Variants in CDC42EP3 observed in about 807,000 individuals in gnomAD.
CDC42EP3 encodes the protein CDC42 effector protein 3.
In CDC42EP3, 4 loss-of-function variants were observed where a neutral mutation model predicts 15.5. The observed-to-expected ratio is 0.26, with a 90% confidence interval of 0.13 to 0.59. The LOEUF is 0.59. Among genes scored for constraint, CDC42EP3 ranks in the 20% least tolerant of loss-of-function variants. CDC42EP3 has a pLI of 0.89. For missense variants in CDC42EP3, 309 were observed against 311.2 expected (o/e 0.99, Z 0.05); for synonymous variants, 145 against 130.3 (o/e 1.11, Z -0.77).
upstream of CDC42EP3, among the ~76,000 whole-genome samples, chr2:37,672,706 G>A (rs915376365): frequency 6.6e-6 from 1 of 152,228 alleles, no homozygotes; most frequent in Non-Finnish European, 1.5e-5. Context: ...GTCCCAGCCC[G>A]CATGGTCAGC....
At chr2:37,650,014 T>G (rs959590579) in intron 1 of CDC42EP3, among the ~76,000 whole-genome samples, 1 of 151,628 alleles carries the variant, frequency 6.6e-6, no homozygotes, top group Non-Finnish European at 1.5e-5. Flanking sequence ...GAATTGAATC[T>G]GAATTGCCAA....
intron 1 of CDC42EP3, among the ~76,000 whole-genome samples, chr2:37,653,776 A>AAT (rs1665761232): frequency 6.6e-6 from 1 of 151,704 alleles, no homozygotes. Context: ...AAAAAAAAAA[A>AAT]TTGCATCCTG....
intron 1 of CDC42EP3, among the ~76,000 whole-genome samples, chr2:37,670,344 T>C (rs1397749449): frequency 6.6e-6 from 1 of 152,144 alleles, no homozygotes; most frequent in Admixed American, 6.5e-5. Context: ...TTTGTCTCCC[T>C]AACACATTCA....
intron 1 of CDC42EP3, among the ~76,000 whole-genome samples, chr2:37,657,779 G>C (rs1665925359): frequency 6.6e-6 from 1 of 152,130 alleles, no homozygotes; most frequent in African/African-American, 2.4e-5. Flanking sequence ...GCAATGTCTG[G>C]GAATATTGTG....
chr2:37,666,581 T>C (rs114542048), intron 1 of CDC42EP3, among the ~76,000 whole-genome samples: 3,388 of 152,318 alleles, frequency 0.022, 128 homozygotes, highest in African/African-American at 0.079. Flanking sequence ...AATTCATGAC[T>C]TAGGCAAGCA....
At chr2:37,668,232 C>T (rs960526677) in intron 1 of CDC42EP3, among the ~76,000 whole-genome samples, 5 of 152,106 alleles carry the variant, frequency 3.3e-5, no homozygotes, top group Non-Finnish European at 5.9e-5. Flanking sequence ...AAGAAAACCA[C>T]GGGTAATTGG....
At chr2:37,669,441 G>A (rs866748129) in intron 1 of CDC42EP3, among the ~76,000 whole-genome samples, 4 of 152,270 alleles carry the variant, frequency 2.6e-5, no homozygotes, top group South Asian at 2.1e-4. Context: ...TCACTGTTAC[G>A]GCTTTGTATT....
rs532546882 is a variant in CDC42EP3, at chr2:37,642,812, C to A, written c.*3011G>T. ...AATATAGAAGGACTAAACTGTGATT[C>A]TGGAGACCCGGGTTTCTCTTTGCTG... On this transcript the variant is annotated 3_prime_UTR_variant, in exon 2 of 2. Transcript: ENST00000295324. 1 of 152,162 alleles carries A rather than the reference C, an allele frequency of 6.6e-6. No individual in the cohort carries two copies. Among genetic ancestry groups the A allele is most frequent in the South Asian group, 2.1e-4 (1 of 4,826 alleles). The allele number at this position is 152,162 out of a possible 1,614,324, so 9.4% of individuals were successfully genotyped here. A position where few individuals can be genotyped will look rare whatever the true frequency, so the allele number is the denominator to read the frequency against.
chr2:37,658,376 T>C (rs1242847069), intron 1 of CDC42EP3, among the ~76,000 whole-genome samples: 1 of 152,180 alleles, frequency 6.6e-6, no homozygotes, highest in Non-Finnish European at 1.5e-5. Context: ...ATGGCGGTTG[T>C]GTGTGGCCCA....
rs148615039 is a variant in CDC42EP3, at chr2:37,645,947, A to G, written c.641T>C (p.Ile214Thr). Residue 214 changes from isoleucine (I) to threonine (T), a missense_variant, in exon 2 of 2, where the codon ATC becomes ACC. Physicochemically the swap from Ile to Thr is moderately conservative, Grantham distance 89. Transcript: ENST00000295324. ...MFDHPTPCELIKGKTKSEESL... is the reference protein window; with the variant it reads ...MFDHPTPCELTKGKTKSEESL... ...CTCCTCTGACTTAGTCTTTCCCTTGATGAGCTCGCATGGGGTGGGATGGTC... is the reference window on the plus strand; with the variant it reads ...CTCCTCTGACTTAGTCTTTCCCTTGGTGAGCTCGCATGGGGTGGGATGGTC... 2.4e-4 allele frequency: 382 copies of G among 1,614,004 alleles called. 1 individual carries two copies. The Middle Eastern group carries it at 3.3e-3, about 14-fold the overall frequency.
intron 1 of CDC42EP3, among the ~76,000 whole-genome samples, chr2:37,662,515 G>A (rs369103068): frequency 2.8e-4 from 42 of 152,248 alleles, no homozygotes; most frequent in Middle Eastern, 6.8e-3. Flanking sequence ...ACTCCCAAAT[G>A]TTCTGGGTTC....
At chr2:37,653,626 T>C (rs1454450437) in intron 1 of CDC42EP3, among the ~76,000 whole-genome samples, 1 of 151,966 alleles carries the variant, frequency 6.6e-6, no homozygotes, top group East Asian at 1.9e-4. Flanking sequence ...TTACTTAGAG[T>C]TGATGCACTG....
At chr2:37,659,258 C>A (rs1665978665) in intron 1 of CDC42EP3, among the ~76,000 whole-genome samples, 1 of 152,230 alleles carries the variant, frequency 6.6e-6, no homozygotes, top group Non-Finnish European at 1.5e-5. Context: ...TCCTCTTTAA[C>A]CCTGCCTGCT....
rs1665416891 is a variant in CDC42EP3, at chr2:37,645,387, TATAGAAA to T, written c.*429_*435del. On this transcript the variant is annotated 3_prime_UTR_variant, in exon 2 of 2. Coordinates refer to ENST00000295324, the MANE Select transcript of CDC42EP3 (RefSeq NM_006449.5). ...TTCGCTATGGTGAGCCTAAGCAATA[TATAGAAA>T]AGAGTCTACAAAAAGGCTTAGGTGT... 6.5e-6 allele frequency: 1 copy of T among 154,124 alleles called. No homozygotes were observed. The highest frequency in any genetic ancestry group is 1.9e-4 in the East Asian group (1 of 5,222). 9.5% of individuals were successfully genotyped at this position (154,124 alleles called of 1,614,324 possible).
chr2:37,652,052 G>A (rs370373441), intron 1 of CDC42EP3, among the ~76,000 whole-genome samples: 4 of 151,942 alleles, frequency 2.6e-5, no homozygotes, highest in African/African-American at 9.6e-5. Flanking sequence ...GCAGGCGCCT[G>A]TAGTCCCAGC....
Position 37,644,670 on chromosome 2 carries a change from G to T in CDC42EP3, c.*1153C>A, listed in dbSNP as rs951832155. The T allele has an allele frequency of 5.3e-5, 8 of 149,850 alleles. No homozygotes were observed. Among genetic ancestry groups the T allele is most frequent in the Non-Finnish European group, 7.4e-5 (5 of 67,564 alleles). The allele number at this position is 149,850 out of a possible 1,614,324, so 9.3% of individuals were successfully genotyped here. On this transcript the variant is annotated 3_prime_UTR_variant, in exon 2 of 2. Transcript: ENST00000295324. ...ACCTCACATGTTCATTTTTCCAAAA[G>T]TAGAGAGGCTCAGTTTCTAGCCTCT...
At chr2:37,656,986 CCCCACCCCCCG>C (rs1306542724) in intron 1 of CDC42EP3, among the ~76,000 whole-genome samples, 2 of 86,552 alleles carry the variant, frequency 2.3e-5, no homozygotes, top group Admixed American at 1.2e-4. Context: ...AAAGCCCCCC[CCCCACCCCCCG>C]CCCCCCGCCA....
At chr2:37,665,996 T>A (rs577480281) in intron 1 of CDC42EP3, among the ~76,000 whole-genome samples, 2 of 152,214 alleles carry the variant, frequency 1.3e-5, no homozygotes, top group African/African-American at 2.4e-5. Flanking sequence ...GGTATTTTTT[T>A]AATCTCTATT....
At chr2:37,649,445 CAAAAAAAAAAAAAAAAAAAAAA>C (rs57232687) in intron 1 of CDC42EP3, among the ~76,000 whole-genome samples, 2 of 48,154 alleles carry the variant, frequency 4.2e-5, no homozygotes, top group Non-Finnish European at 7.5e-5. Flanking sequence ...GGCCTTGTCT[CAAAAAAAAAAAAAAAAAAAAAA>C]AAAAAAAAAA....
Sources: allele counts gnomAD v4.1 joint callset (sites outside exome capture counted in the v4.1 genomes callset), GRCh38; gene constraint gnomAD v4.1.1; transcripts MANE v1.5; gene names NCBI Gene and HGNC (gene_info 2026-07-23, HGNC 2026-07-21).